Variants in RAB3B observed in about 807,000 individuals in gnomAD.
The protein encoded by RAB3B is RAB3B, member RAS oncogene family, also known as ras-related protein Rab-3B.
Under a neutral mutation model 20.5 loss-of-function variants are expected in RAB3B, and 11 were observed. The ratio of observed to expected loss-of-function variants is 0.54; its 90% CI spans 0.34 to 0.89. The LOEUF is 0.89. Among genes scored for constraint, RAB3B ranks in the 40% least tolerant of loss-of-function variants. The pLI, the probability that RAB3B is intolerant of heterozygous loss-of-function variation, is 0.02. For synonymous variants in RAB3B, 99 were observed against 106.3 expected, an observed-to-expected ratio of 0.93 and a Z score of 0.42; for missense variants, 225 against 280.9, an observed-to-expected ratio of 0.80 and a Z score of 1.42.
At chr1:51,941,400 C>T (rs1241284114) in intron 2 of RAB3B, among the ~76,000 whole-genome samples, 1 of 151,868 alleles carries the variant, frequency 6.6e-6, no homozygotes, top group Non-Finnish European at 1.5e-5. Flanking sequence ...AGAGAATGGA[C>T]TGGAAGGAGA....
chr1:51,918,502 T>C lies in RAB3B; in HGVS notation c.*1425A>G, dbSNP rs1046045069. 1 of 152,180 alleles carries C rather than the reference T, an allele frequency of 6.6e-6. No individual in the cohort carries two copies. Among genetic ancestry groups the C allele is most frequent in the African/African-American group, 2.4e-5 (1 of 41,436 alleles). The allele number at this position is 152,180 out of a possible 1,614,324, so 9.4% of individuals were successfully genotyped here. ...GAGGGAGCACAGACTGTGAAGTCTC[T>C]GACAGCAGAGCTGGTACCAACAGGG... On this transcript the variant is annotated 3_prime_UTR_variant, in exon 5 of 5. Transcript: ENST00000371655.
intron 3 of RAB3B, among the ~76,000 whole-genome samples, chr1:51,935,697 T>G (rs1177718638): frequency 6.6e-6 from 1 of 150,926 alleles, no homozygotes; most frequent in African/African-American, 2.4e-5. Context: ...ATGGGCAGCG[T>G]GGAGACACTT....
At chr1:51,963,770 C>T (rs990214896) in intron 2 of RAB3B, among the ~76,000 whole-genome samples, 1 of 152,140 alleles carries the variant, frequency 6.6e-6, no homozygotes, top group African/African-American at 2.4e-5. Context: ...TGCCCAAACC[C>T]TCTGCTTTCT....
At position 51,915,087 on chromosome 1, in the gene RAB3B, T is replaced by C. The variant is rs1684063745; in HGVS notation, c.*4840A>G. On this transcript the variant is annotated 3_prime_UTR_variant, in exon 5 of 5. Coordinates refer to ENST00000371655, the MANE Select transcript of RAB3B (RefSeq NM_002867.4). Reference sequence around the variant, plus strand: ...GCTAAGACAATCTGAAGAAAAAAATTTGAAAGAGCATGAGTCAGACAGAGG... The same window carrying C: ...GCTAAGACAATCTGAAGAAAAAAATCTGAAAGAGCATGAGTCAGACAGAGG... 6.6e-6 allele frequency: 1 copy of C among 152,118 alleles called. No individual in the cohort carries two copies. Among genetic ancestry groups the C allele is most frequent in the African/African-American group, 2.4e-5 (1 of 41,426 alleles). 9.4% of individuals were successfully genotyped at this position (152,118 alleles called of 1,614,324 possible).
chr1:51,988,034 C>T (rs530023355), intron 1 of RAB3B, among the ~76,000 whole-genome samples: 28 of 151,690 alleles, frequency 1.8e-4, no homozygotes, highest in Non-Finnish European at 3.2e-4. Context: ...TGAGCCACTG[C>T]GCTTGACCCA....
At chr1:51,926,191 C>T (rs1010924762) in intron 4 of RAB3B, among the ~76,000 whole-genome samples, 2 of 152,182 alleles carry the variant, frequency 1.3e-5, no homozygotes, top group Admixed American at 6.5e-5. Flanking sequence ...GCATAGCCAT[C>T]GACCCAAAGA....
intron 2 of RAB3B, among the ~76,000 whole-genome samples, chr1:51,938,662 G>T (rs58587525): frequency 0.032 from 4,683 of 148,656 alleles, 105 homozygotes; most frequent in Middle Eastern, 0.13. Context: ...CTGAGATTTT[G>T]ATTTTCTTCA....
At chr1:51,987,177 A>G (rs952777128) in intron 1 of RAB3B, among the ~76,000 whole-genome samples, 18 of 152,202 alleles carry the variant, frequency 1.2e-4, no homozygotes, top group African/African-American at 7.2e-5. Flanking sequence ...TTCAGCCAGG[A>G]AAGAGCGGGG....
At chr1:51,958,160 G>A (rs1482679406) in intron 2 of RAB3B, among the ~76,000 whole-genome samples, 2 of 152,212 alleles carry the variant, frequency 1.3e-5, no homozygotes, top group East Asian at 1.9e-4. Flanking sequence ...TGTTGACTGA[G>A]GTTAGGTGTC....
chr1:51,961,664 T>A (rs1358457062), intron 2 of RAB3B, among the ~76,000 whole-genome samples: 1 of 152,204 alleles, frequency 6.6e-6, no homozygotes, highest in Non-Finnish European at 1.5e-5. Flanking sequence ...TGCCCAAAAA[T>A]TGTAATTATT....
chr1:51,947,344 TGAGATTGCACA>T (rs1684579011), intron 2 of RAB3B, among the ~76,000 whole-genome samples: 1 of 151,510 alleles, frequency 6.6e-6, no homozygotes, highest in African/African-American at 2.4e-5. Flanking sequence ...TGCAGTGAGC[TGAGATTGCACA>T]CTGCACATCA....
At chr1:51,934,598 C>T (rs1361211296) in intron 3 of RAB3B, among the ~76,000 whole-genome samples, 2 of 151,730 alleles carry the variant, frequency 1.3e-5, no homozygotes, top group East Asian at 1.9e-4. Context: ...GGTGAAACCC[C>T]GTCTCCACTA....
At chr1:51,971,714 G>A (rs897870854) in intron 2 of RAB3B, among the ~76,000 whole-genome samples, 4 of 151,950 alleles carry the variant, frequency 2.6e-5, no homozygotes, top group East Asian at 1.9e-4. Context: ...TACAGGCGTG[G>A]GCCACTGCAC....
At chr1:51,976,084 C>G (rs1303775394) in intron 2 of RAB3B, among the ~76,000 whole-genome samples, 2 of 152,052 alleles carry the variant, frequency 1.3e-5, no homozygotes, top group Non-Finnish European at 2.9e-5. Context: ...GAGGCCCCAA[C>G]CACTCCCAAA....
At chr1:51,970,082 C>A (rs1183791) in intron 2 of RAB3B, among the ~76,000 whole-genome samples, 5,490 of 149,866 alleles carry the variant, frequency 0.037, 126 homozygotes, top group Non-Finnish European at 0.044. Flanking sequence ...AAAAAAAAAA[C>A]CCAAAAAACA....
chr1:51,979,826 G>A (rs1438861187), intron 1 of RAB3B, among the ~76,000 whole-genome samples: 7 of 151,118 alleles, frequency 4.6e-5, no homozygotes, highest in Admixed American at 4.6e-4. Context: ...GGCAGATCAC[G>A]AGGTCAGGAG....
In RAB3B at chr1:51,951,618, C is replaced by A. The variant is rs191666064; in HGVS notation, c.229-14206G>T. ...CTTGAGCCCTGGAGTTGGAGACCAG[C>A]CTGGGCAACAAAGTGAGACTGTGTT... On this transcript the variant is annotated intron_variant, in intron 2 of 4. Coordinates refer to ENST00000371655, the MANE Select transcript of RAB3B (RefSeq NM_002867.4). Among the ~76,000 whole-genome samples, 5 of 152,178 alleles carry A rather than the reference C, an allele frequency of 3.3e-5. No individual in the cohort carries two copies. In the East Asian group the frequency reaches 9.6e-4, roughly 29 times the overall value.
intron 4 of RAB3B, among the ~76,000 whole-genome samples, chr1:51,922,188 C>T (rs1684181244): frequency 6.6e-6 from 1 of 152,220 alleles, no homozygotes; most frequent in African/African-American, 2.4e-5. Flanking sequence ...AAAATGGACT[C>T]CCCAGTCTTT....
intron 2 of RAB3B, among the ~76,000 whole-genome samples, chr1:51,965,440 A>G (rs1353728768): frequency 6.6e-6 from 1 of 152,108 alleles, no homozygotes; most frequent in Non-Finnish European, 1.5e-5. Flanking sequence ...CGAGGTCAGG[A>G]GTTCGAGACC....
Sources: gnomAD v4.1 joint callset for allele counts (sites outside exome capture counted in the v4.1 genomes callset) on GRCh38, gnomAD v4.1.1 for gene constraint, MANE v1.5 for transcripts, NCBI Gene and HGNC (gene_info 2026-07-23, HGNC 2026-07-21) for gene names.